SAMD12: variants seen among roughly 807,000 people sequenced by gnomAD.
The protein encoded by SAMD12 is sterile alpha motif domain-containing protein 12.
A neutral mutation model predicts 15.0 loss-of-function variants in SAMD12; 9 were observed. The ratio of observed to expected loss-of-function variants is 0.60; its 90% CI spans 0.36 to 1.05. SAMD12 has a LOEUF of 1.05. Among genes scored for constraint, SAMD12 ranks in the 50% least tolerant of loss-of-function variants. The pLI is 0.01. For missense variants in SAMD12, 230 were observed against 234.2 expected (o/e 0.98, Z 0.12); for synonymous variants, 86 against 90.1 (o/e 0.96, Z 0.25).
chr8:118,399,201 C>CTT (rs10535786), intron 3 of SAMD12, among the ~76,000 whole-genome samples: 1 of 147,406 alleles, frequency 6.8e-6, no homozygotes, highest in Non-Finnish European at 1.5e-5. Context: ...TTTTTTTTTT[C>CTT]TTTTTTTTTT....
intron 4 of SAMD12, among the ~76,000 whole-genome samples, chr8:118,276,405 T>C (rs970863243): frequency 6.6e-6 from 1 of 152,214 alleles, no homozygotes; most frequent in African/African-American, 2.4e-5. Context: ...CCTTTAATTC[T>C]GTCTTTTGAT....
In SAMD12 at chr8:118,379,242, A is replaced by G. The variant is rs774416835; in HGVS notation, c.*175T>C. The G allele has an allele frequency of 1.7e-5, 25 of 1,428,792 alleles. No homozygotes were observed. The highest frequency in any genetic ancestry group is 4.3e-5 in the African/African-American group (3 of 69,508). 88.5% of individuals were successfully genotyped at this position (1,428,792 alleles called of 1,614,324 possible). On this transcript the variant is annotated 3_prime_UTR_variant, in exon 4 of 4. Transcript: ENST00000314727. ...ACATTATACAACTCTAGTGAGTGCA[A>G]TCGTACCCTGATTGATGTGACTGGT...
intron 4 of SAMD12, among the ~76,000 whole-genome samples, chr8:118,370,545 C>T (rs746027921): frequency 2.5e-4 from 38 of 152,188 alleles, no homozygotes; most frequent in Admixed American, 8.5e-4. Context: ...AAACGTCAAT[C>T]GATGATAGAC....
intron 4 of SAMD12, among the ~76,000 whole-genome samples, chr8:118,327,466 AC>A (rs1321579692): frequency 1.3e-5 from 2 of 152,160 alleles, no homozygotes; most frequent in African/African-American, 4.8e-5. Context: ...TGTCAATTAA[AC>A]CATTAGTTAC....
chr8:118,468,014 C>T (rs777382914), intron 2 of SAMD12, among the ~76,000 whole-genome samples: 3 of 152,218 alleles, frequency 2.0e-5, no homozygotes, highest in Non-Finnish European at 4.4e-5. Flanking sequence ...AAGACACCAC[C>T]TCTTTTTCCT....
chr8:118,369,780 C>A (rs10110431), intron 4 of SAMD12, among the ~76,000 whole-genome samples: 7,090 of 151,924 alleles, frequency 0.047, 520 homozygotes, highest in African/African-American at 0.16. Flanking sequence ...ACAACAACAA[C>A]AAAAAACTTA....
chr8:118,434,839 G>A lies in SAMD12; in HGVS notation c.322+4993C>T, dbSNP rs1216501738. Among the ~76,000 whole-genome samples, 3 of 93,532 alleles carry A rather than the reference G, an allele frequency of 3.2e-5. 1 individual carries two copies. The highest frequency in any genetic ancestry group is 8.0e-5 in the Non-Finnish European group (3 of 37,588). 61.4% of individuals were successfully genotyped at this position (93,532 alleles called of 152,430 possible). ...CTTCTGGCCGGGCGCGGTGGCTCAC[G>A]CCTGTAATCCCAGCACTTTGGGAGG... is the stretch of plus-strand genomic sequence containing the variant. On this transcript the variant is annotated intron_variant, in intron 3 of 3. Coordinates refer to ENST00000314727, the MANE Select transcript of SAMD12 (RefSeq NM_207506.3).
intron 4 of SAMD12, among the ~76,000 whole-genome samples, chr8:118,328,407 A>T (rs1373328081): frequency 6.6e-6 from 1 of 152,184 alleles, no homozygotes; most frequent in African/African-American, 2.4e-5. Context: ...TCATTAATAA[A>T]TCCTTTCCAT....
chr8:118,229,310 T>C (rs911289167), intron 4 of SAMD12, among the ~76,000 whole-genome samples: 45 of 151,652 alleles, frequency 3.0e-4, no homozygotes, highest in African/African-American at 1.1e-3. Flanking sequence ...TTTAAAAATA[T>C]ATAAATAAAT....
intron 2 of SAMD12, among the ~76,000 whole-genome samples, chr8:118,506,107 G>T (rs1331549647): frequency 6.6e-6 from 1 of 152,034 alleles, no homozygotes; most frequent in African/African-American, 2.4e-5. Context: ...ACAGAACACT[G>T]GTCCCTATAC....
chr8:118,413,662 C>A (rs779526490), intron 3 of SAMD12, among the ~76,000 whole-genome samples: 7 of 151,914 alleles, frequency 4.6e-5, no homozygotes, highest in Non-Finnish European at 8.8e-5. Context: ...TTTTGAGATC[C>A]CTGAAGACAA....
chr8:118,206,181 CA>C (rs1020687667), intron 4 of SAMD12, among the ~76,000 whole-genome samples: 1 of 152,112 alleles, frequency 6.6e-6, no homozygotes, highest in Admixed American at 6.6e-5. Flanking sequence ...TCAGAATGTC[CA>C]GGGGAGGACT....
the SAMD12 span, among the ~76,000 whole-genome samples, chr8:118,165,620 A>AAATC: frequency 1.5e-5 from 2 of 132,338 alleles, no homozygotes; most frequent in African/African-American, 6.4e-5. Flanking sequence ...ATATGTATAT[A>AAATC]TATATATATA....
At chr8:118,591,364 C>T (rs72678172) in intron 1 of SAMD12, among the ~76,000 whole-genome samples, 2,665 of 152,256 alleles carry the variant, frequency 0.018, 39 homozygotes, top group African/African-American at 0.036. Flanking sequence ...CAAGTTATAT[C>T]ATCTCTTTTC....
At chr8:118,500,506 A>G (rs1824753950) in intron 2 of SAMD12, among the ~76,000 whole-genome samples, 1 of 151,634 alleles carries the variant, frequency 6.6e-6, no homozygotes, top group African/African-American at 2.4e-5. Flanking sequence ...GATTCTTTTA[A>G]TCAAAATCAG....
chr8:118,569,921 T>C (rs549637240), intron 2 of SAMD12, among the ~76,000 whole-genome samples: 31 of 152,360 alleles, frequency 2.0e-4, no homozygotes, highest in Admixed American at 3.9e-4. Flanking sequence ...TTCTAATCCA[T>C]ACAGCCTTGG....
chr8:118,351,535 T>G (rs1817965556), intron 4 of SAMD12, among the ~76,000 whole-genome samples: 1 of 152,188 alleles, frequency 6.6e-6, no homozygotes, highest in Non-Finnish European at 1.5e-5. Flanking sequence ...TGGTCTGTCA[T>G]GGTTTAACCA....
the SAMD12 span, among the ~76,000 whole-genome samples, chr8:118,184,031 T>C: frequency 1.3e-5 from 2 of 152,342 alleles, no homozygotes; most frequent in South Asian, 4.1e-4. Flanking sequence ...GTAAAGAATA[T>C]TTGACCCATA....
the SAMD12 span, among the ~76,000 whole-genome samples, chr8:118,141,662 G>T: frequency 1.3e-5 from 2 of 152,246 alleles, no homozygotes; most frequent in Admixed American, 6.5e-5. Flanking sequence ...TAGTTTTGAT[G>T]TAAAGAGTAA....
Sources: gnomAD v4.1 joint callset for allele counts (sites outside exome capture counted in the v4.1 genomes callset) on GRCh38, gnomAD v4.1.1 for gene constraint, MANE v1.5 for transcripts, NCBI Gene and HGNC (gene_info 2026-07-23, HGNC 2026-07-21) for gene names.